SPATA7: variants seen among roughly 807,000 people sequenced by gnomAD.
SPATA7 encodes the protein spermatogenesis associated 7.
SPATA7 carries 43 observed loss-of-function variants against 51.8 expected under a neutral mutation model. That is an observed-to-expected ratio of 0.83 (90% CI 0.65 to 1.07). The LOEUF is 1.07. Ranked by LOEUF, SPATA7 falls within the 50% of genes least tolerant of loss-of-function variation. The pLI is 0.00. For synonymous variants in SPATA7, 230 were observed against 252.8 expected (o/e 0.91, Z 0.86); for missense variants, 683 against 701.3 (o/e 0.97, Z 0.30).
intron 6 of SPATA7, 149 bp downstream of exon 6, chr14:88,426,853 G>A (rs1424868886): frequency 1.3e-6 from 1 of 778,304 alleles, no homozygotes; most frequent in East Asian, 2.7e-5. Flanking sequence ...CCTTTTCCAT[G>A]TATCACTAGA....
intron 3 of SPATA7, among the ~76,000 whole-genome samples, chr14:88,453,757 C>T (rs536604578): frequency 2.0e-4 from 31 of 152,196 alleles, no homozygotes; most frequent in Non-Finnish European, 3.5e-4. Context: ...TCTGCTAAAC[C>T]GATTCATACT....
intron 4 of SPATA7, among the ~76,000 whole-genome samples, chr14:88,405,060 T>C (rs141500195): frequency 1.0e-3 from 153 of 152,174 alleles, no homozygotes; most frequent in African/African-American, 3.4e-3. Flanking sequence ...AAGGTGACAA[T>C]TGAGCAGAGA....
At chr14:88,398,516 T>C (rs974839970) in intron 4 of SPATA7, among the ~76,000 whole-genome samples, 2 of 146,764 alleles carry the variant, frequency 1.4e-5, no homozygotes, top group Non-Finnish European at 3.0e-5. Context: ...CATTGGGAGA[T>C]ATACCTAATG....
intron 9 of SPATA7, among the ~76,000 whole-genome samples, chr14:88,431,558 C>G (rs924565751): frequency 1.3e-5 from 2 of 152,118 alleles, no homozygotes; most frequent in African/African-American, 4.8e-5. Flanking sequence ...GAACTTACTC[C>G]TCCTATCTAG....
intron 4 of SPATA7, among the ~76,000 whole-genome samples, chr14:88,407,451 T>C (rs1340206364): frequency 6.6e-6 from 1 of 152,216 alleles, no homozygotes; most frequent in African/African-American, 2.4e-5. Context: ...CGCCCACTTT[T>C]TGATAGGGTT....
In SPATA7 at chr14:88,416,873, C is replaced by A. The variant is rs550144579; in HGVS notation, c.372+29C>A. 44 of 1,556,712 alleles carry A rather than the reference C, an allele frequency of 2.8e-5. 1 individual carries two copies. The East Asian group carries it at 7.0e-4, about 25-fold the overall frequency. ...AGATAGTATTTTTATTTTTTAAAAG[C>A]AAATGTTTCTAAGGTACTTCTTTAG... On this transcript the variant is annotated intron_variant, in intron 5 of 11. Transcript: ENST00000393545.
At position 88,434,221 on chromosome 14, in the gene SPATA7, T is replaced by C. The variant is rs139143867; in HGVS notation, c.1160+1009T>C. Reference sequence around the variant, plus strand: ...ATTATAAGACTGTTTATTACAGCATTTTTATAATTGTACCAAAAACCAGAA... The same window carrying C: ...ATTATAAGACTGTTTATTACAGCATCTTTATAATTGTACCAAAAACCAGAA... On this transcript the variant is annotated intron_variant, in intron 10 of 11. Transcript: ENST00000393545. 9.2e-5 allele frequency among the ~76,000 whole-genome samples: 14 copies of C among 152,320 alleles called. No homozygotes were observed. The East Asian group carries it at 2.7e-3, about 29-fold the overall frequency.
chr14:88,460,555 T>C (rs1323167129), intron 4 of SPATA7, among the ~76,000 whole-genome samples: 1 of 152,242 alleles, frequency 6.6e-6, no homozygotes, highest in African/African-American at 2.4e-5. Flanking sequence ...GTTTTTCAGC[T>C]CCATCAGGTC....
chr14:88,411,220 C>T (rs927284432), intron 4 of SPATA7, among the ~76,000 whole-genome samples: 4 of 152,164 alleles, frequency 2.6e-5, no homozygotes, highest in African/African-American at 9.7e-5. Context: ...TGCCCCTCCC[C>T]CCACCAAGCT....
Position 88,469,860 on chromosome 14 carries a change from A to T in SPATA7, c.269A>T (p.Asp90Val), listed in dbSNP as rs1326817771. Residue 90 changes from aspartate to valine, a missense_variant, in exon 5 of 5, where the codon GAT (aspartate) becomes GTT (valine). Physicochemically the swap from Asp to Val is radical, Grantham distance 152. Transcript: ENST00000556406. This position sits in a 1 kb window ranked among gnomAD's most constrained non-coding sequence, Gnocchi z 4.3. ...TTTTCTCCACAGGTCAGGATTCCAGATGATTAACATTAACTGTTCTTCAGA... is the reference window on the plus strand; with the variant it reads ...TTTTCTCCACAGGTCAGGATTCCAGTTGATTAACATTAACTGTTCTTCAGA... The T allele has an allele frequency of 1.2e-6, 2 of 1,609,970 alleles. No homozygotes were observed. The highest frequency in any genetic ancestry group is 2.2e-5 in the South Asian group (2 of 90,994).
intron 5 of SPATA7, among the ~76,000 whole-genome samples, chr14:88,421,498 A>G (rs1566774922): frequency 6.6e-6 from 1 of 152,276 alleles, no homozygotes; most frequent in East Asian, 1.9e-4. Flanking sequence ...ACCAGTTTTT[A>G]GTTGGGAAGT....
At chr14:88,417,196 GTT>G (rs59199890) in intron 5 of SPATA7, among the ~76,000 whole-genome samples, 25 of 151,222 alleles carry the variant, frequency 1.7e-4, no homozygotes, top group African/African-American at 4.9e-4. Context: ...AGTTTGTGAA[GTT>G]TTTTTTTTCC....
At chr14:88,418,455 A>T (rs1459858231) in intron 5 of SPATA7, among the ~76,000 whole-genome samples, 2 of 151,604 alleles carry the variant, frequency 1.3e-5, no homozygotes, top group African/African-American at 4.9e-5. Context: ...AGTATTTTAC[A>T]ATTTTCTTTT....
intron 3 of SPATA7, among the ~76,000 whole-genome samples, chr14:88,449,481 T>C (rs1449291850): frequency 6.6e-6 from 1 of 152,174 alleles, no homozygotes; most frequent in African/African-American, 2.4e-5. Flanking sequence ...TTGAGACTTG[T>C]TTTGTGGCCT....
intron 4 of SPATA7, among the ~76,000 whole-genome samples, chr14:88,398,969 G>A (rs375643306): frequency 2.6e-5 from 4 of 151,238 alleles, no homozygotes; most frequent in Admixed American, 6.6e-5. Context: ...GGAGAATGGC[G>A]TGAACCCAGG....
At position 88,385,844 on chromosome 14, in the gene SPATA7, G is replaced by A. The variant is rs199560035; in HGVS notation, c.19+7G>A. The A allele has an allele frequency of 5.8e-5, 93 of 1,601,628 alleles. No individual in the cohort carries two copies. Among genetic ancestry groups the A allele is most frequent in the Non-Finnish European group, 7.5e-5 (88 of 1,174,852 alleles). ...ATGGATGGCAGCCGGAGAGGTAAAG[G>A]GCAGCTGTCAGGGGCTACCGCCGCC... On this transcript the variant is annotated splice_region_variant and intron_variant, in intron 1 of 11. Coordinates refer to ENST00000393545, the MANE Select transcript of SPATA7 (RefSeq NM_018418.5).
intron 3 of SPATA7, among the ~76,000 whole-genome samples, chr14:88,445,768 G>C (rs2077207625): frequency 6.6e-6 from 1 of 152,160 alleles, no homozygotes; most frequent in Admixed American, 6.5e-5. Context: ...CTTTGGTTCT[G>C]TTTATATGCT....
chr14:88,405,454 G>C (rs1160296057), intron 4 of SPATA7, among the ~76,000 whole-genome samples: 3 of 152,216 alleles, frequency 2.0e-5, no homozygotes, highest in African/African-American at 7.2e-5. Flanking sequence ...AAATAATCCA[G>C]ATGAGAAATA....
intron 5 of SPATA7, among the ~76,000 whole-genome samples, chr14:88,417,314 T>TATA (rs145668254): frequency 3.1e-4 from 45 of 145,084 alleles, no homozygotes; most frequent in Admixed American, 1.1e-3. Context: ...GTTTTTTTTT[T>TATA]TTTATATATA....
Sources: allele counts gnomAD v4.1 joint callset (sites outside exome capture counted in the v4.1 genomes callset), GRCh38; gene constraint gnomAD v4.1.1; non-coding constraint Gnocchi (gnomAD v3.1); transcripts MANE v1.5; gene names NCBI Gene and HGNC (gene_info 2026-07-23, HGNC 2026-07-21).